PEBP4: variants seen among roughly 807,000 people sequenced by gnomAD.
PEBP4 encodes phosphatidylethanolamine-binding protein 4.
Under a neutral mutation model 23.9 loss-of-function variants are expected in PEBP4, and 22 were observed. The ratio of observed to expected loss-of-function variants is 0.92; its 90% CI spans 0.66 to 1.31. The LOEUF is 1.31. Among genes scored for constraint, PEBP4 ranks in the 40% most tolerant of loss-of-function variants. The pLI, the probability that PEBP4 is intolerant of heterozygous loss-of-function variation, is 0.00. For missense variants in PEBP4, 324 were observed against 281.7 expected, an observed-to-expected ratio of 1.15 and a Z score of -1.07; for synonymous variants, 112 against 99.3, an observed-to-expected ratio of 1.13 and a Z score of -0.76.
At chr8:22,940,633 T>C (rs1324290107) in intron 1 of PEBP4, among the ~76,000 whole-genome samples, 1 of 151,928 alleles carries the variant, frequency 6.6e-6, no homozygotes, top group Non-Finnish European at 1.5e-5. Context: ...GGACTACAGG[T>C]GACCACCACC....
At chr8:22,889,700 C>T (rs200825035) in intron 3 of PEBP4, among the ~76,000 whole-genome samples, 1 of 49,936 alleles carries the variant, frequency 2.0e-5, no homozygotes, top group African/African-American at 4.8e-5. Context: ...TTATAAAGTG[C>T]AGAAATATGT....
chr8:22,834,393 T>C (rs1807156741), intron 3 of PEBP4, among the ~76,000 whole-genome samples: 2 of 151,782 alleles, frequency 1.3e-5, no homozygotes, highest in Admixed American at 1.3e-4. Context: ...AATTTCAGGC[T>C]GGTGTCCAGC....
At chr8:22,823,900 T>A (rs1806912024) in intron 3 of PEBP4, among the ~76,000 whole-genome samples, 1 of 152,148 alleles carries the variant, frequency 6.6e-6, no homozygotes. Context: ...AGTTTACTAG[T>A]CATAAAAGGT....
chr8:22,919,972 A>C (rs551351802), intron 3 of PEBP4, among the ~76,000 whole-genome samples: 3 of 152,186 alleles, frequency 2.0e-5, no homozygotes, highest in African/African-American at 7.2e-5. Flanking sequence ...CCATCACCAA[A>C]GTTTCCAGTC....
At chr8:22,751,617 T>G (rs1041785914) in intron 4 of PEBP4, among the ~76,000 whole-genome samples, 2 of 98,676 alleles carry the variant, frequency 2.0e-5, no homozygotes, top group Non-Finnish European at 4.2e-5. Flanking sequence ...TGTCTGTGTG[T>G]GTGTGTGTGT....
rs552990237 is a variant in PEBP4, at chr8:22,802,171, A to C, written c.357+15466T>G. On this transcript the variant is annotated intron_variant, in intron 4 of 6. Transcript: ENST00000256404. Reference sequence around the variant, plus strand: ...GCGAAGCAACAGAACCCGCTGCAGGAGGAGGGTGTTGCTCTCTCCCGACTC... The same window carrying C: ...GCGAAGCAACAGAACCCGCTGCAGGCGGAGGGTGTTGCTCTCTCCCGACTC... 1.0e-3 allele frequency among the ~76,000 whole-genome samples: 158 copies of C among 152,120 alleles called. 3 individuals carry two copies. The highest frequency in any genetic ancestry group is 2.2e-4 in the Non-Finnish European group (15 of 68,018).
chr8:22,750,485 C>G lies in PEBP4; in HGVS notation c.358-23265G>C, dbSNP rs925003672. On this transcript the variant is annotated intron_variant, in intron 4 of 6. Coordinates refer to ENST00000256404, the MANE Select transcript of PEBP4 (RefSeq NM_144962.3). ...GGGGCTGGAATTGGAAAAAATTTATCTGGGCAGAATTTTTTCTTCTTCCAA... is the reference window on the plus strand; with the variant it reads ...GGGGCTGGAATTGGAAAAAATTTATGTGGGCAGAATTTTTTCTTCTTCCAA... Among the ~76,000 whole-genome samples, 5 of 152,226 alleles carry G rather than the reference C, an allele frequency of 3.3e-5. No homozygotes were observed. The South Asian group carries it at 1.0e-3, about 32-fold the overall frequency.
chr8:22,928,710 C>T (rs916112000), upstream of PEBP4, among the ~76,000 whole-genome samples: 1 of 152,278 alleles, frequency 6.6e-6, no homozygotes. Flanking sequence ...CAACTCAGGA[C>T]TCCTGGCTTC....
intron 4 of PEBP4, among the ~76,000 whole-genome samples, chr8:22,791,015 G>A (rs564723017): frequency 1.3e-5 from 2 of 152,280 alleles, no homozygotes; most frequent in Admixed American, 6.5e-5. Context: ...GGGGAGGTGG[G>A]GGTGGTCAGC....
At chr8:22,793,433 A>ATTTTTTTTT (rs11315221) in intron 4 of PEBP4, among the ~76,000 whole-genome samples, 2 of 120,342 alleles carry the variant, frequency 1.7e-5, no homozygotes, top group African/African-American at 3.1e-5. Flanking sequence ...CGCCCAGCTC[A>ATTTTTTTTT]TTTTTTTTTT....
intron 3 of PEBP4, among the ~76,000 whole-genome samples, chr8:22,863,946 T>C (rs1029837773): frequency 6.6e-6 from 1 of 152,096 alleles, no homozygotes; most frequent in Non-Finnish European, 1.5e-5. Flanking sequence ...GTCCGGACTT[T>C]TATCATCTCT....
chr8:22,901,312 C>A (rs1432797147), intron 3 of PEBP4, among the ~76,000 whole-genome samples: 1 of 152,122 alleles, frequency 6.6e-6, no homozygotes, highest in Non-Finnish European at 1.5e-5. Context: ...GCAAAATCAC[C>A]ATTGGCTTAT....
intron 3 of PEBP4, among the ~76,000 whole-genome samples, chr8:22,851,674 G>T (rs1456213730): frequency 6.6e-6 from 1 of 152,004 alleles, no homozygotes; most frequent in Non-Finnish European, 1.5e-5. Context: ...TCTCTCTTTT[G>T]CTTATCAGAA....
intron 3 of PEBP4, among the ~76,000 whole-genome samples, chr8:22,852,287 C>T (rs1262127061): frequency 2.0e-5 from 3 of 152,202 alleles, no homozygotes; most frequent in African/African-American, 7.2e-5. Context: ...TACAGAAGAA[C>T]TGAGTTTCTT....
At chr8:22,776,157 GAA>G (rs1267333577) in intron 4 of PEBP4, among the ~76,000 whole-genome samples, 5 of 152,322 alleles carry the variant, frequency 3.3e-5, no homozygotes, top group African/African-American at 1.2e-4. Context: ...TTTCTTTGAA[GAA>G]CAGAATCCTG....
chr8:22,927,808 T>C lies in PEBP4; in HGVS notation c.-7+15A>G. On this transcript the variant is annotated intron_variant, in intron 1 of 6. Coordinates refer to ENST00000256404, the MANE Select transcript of PEBP4 (RefSeq NM_144962.3). The stretch of plus-strand genomic sequence containing the variant: ...GTGCCCCCGACCCCAGGGGCCCACT[T>C]GGCAGGATAGAGACCTCTGGTTAAG... The C allele has an allele frequency of 6.5e-7, 1 of 1,547,026 alleles. No homozygotes were observed. Among genetic ancestry groups the C allele is most frequent in the Admixed American group, 1.9e-5 (1 of 51,514 alleles).
intron 3 of PEBP4, among the ~76,000 whole-genome samples, chr8:22,874,689 A>G (rs554297605): frequency 1.3e-5 from 2 of 152,336 alleles, no homozygotes; most frequent in East Asian, 3.9e-4. Context: ...AAGTGCGACA[A>G]TGTAAATGCA....
chr8:22,745,977 T>C (rs956646155), intron 4 of PEBP4, among the ~76,000 whole-genome samples: 1 of 152,232 alleles, frequency 6.6e-6, no homozygotes, highest in Non-Finnish European at 1.5e-5. Context: ...GCTGCTCCAA[T>C]GTTTGCTTAG....
chr8:22,803,395 C>T (rs1806429176), intron 4 of PEBP4, among the ~76,000 whole-genome samples: 2 of 152,060 alleles, frequency 1.3e-5, no homozygotes, highest in Admixed American at 1.3e-4. Context: ...TGGCTGGGCA[C>T]GGTGGCTCAC....
Sources: allele counts gnomAD v4.1 joint callset (sites outside exome capture counted in the v4.1 genomes callset), GRCh38; gene constraint gnomAD v4.1.1; transcripts MANE v1.5; gene names NCBI Gene and HGNC (gene_info 2026-07-23, HGNC 2026-07-21).